Variants in CYP2C8 observed in about 807,000 individuals in gnomAD.
CYP2C8 encodes cytochrome P450 2C8.
CYP2C8 carries 51 observed loss-of-function variants against 41.3 expected under a neutral mutation model. That is an observed-to-expected ratio of 1.24 (90% confidence interval 0.99 to 1.56). The LOEUF (loss-of-function observed/expected upper bound fraction) is 1.56, where lower values mean the gene tolerates loss of function less well. Ranked by LOEUF, CYP2C8 falls within the 40% of genes most tolerant of loss-of-function variation. CYP2C8 has a pLI of 0.00. For synonymous variants in CYP2C8, 218 were observed against 205.8 expected, an observed-to-expected ratio of 1.06 and a Z score of -0.51; for missense variants, 651 against 579.9, an observed-to-expected ratio of 1.12 and a Z score of -1.26.
intron 3 of CYP2C8, among the ~76,000 whole-genome samples, chr10:95,065,582 C>G (rs2033544580): frequency 6.6e-6 from 1 of 152,056 alleles, no homozygotes; most frequent in Non-Finnish European, 1.5e-5. Context: ...CCCAGTAAAG[C>G]TAACCAAAAA....
At chr10:95,054,176 G>T (rs2033265428) in intron 5 of CYP2C8, among the ~76,000 whole-genome samples, 1 of 151,672 alleles carries the variant, frequency 6.6e-6, no homozygotes. Flanking sequence ...TGTATATTAT[G>T]GATTTTTTTA....
intron 3 of CYP2C8, among the ~76,000 whole-genome samples, chr10:95,065,471 CATATG>C (rs1379063152): frequency 2.0e-5 from 3 of 152,110 alleles, no homozygotes; most frequent in Admixed American, 6.6e-5. Context: ...CAAGTACATC[CATATG>C]ATATGAGAAG....
At chr10:95,058,137 T>C (rs890273118) in intron 5 of CYP2C8, among the ~76,000 whole-genome samples, 198 bp downstream of exon 5, 2 of 152,154 alleles carry the variant, frequency 1.3e-5, no homozygotes, top group Non-Finnish European at 2.9e-5. Flanking sequence ...AAGAAGAGGG[T>C]CTATGCATTC....
At chr10:95,052,404 T>C (rs1028572369) in intron 5 of CYP2C8, among the ~76,000 whole-genome samples, 3 of 152,012 alleles carry the variant, frequency 2.0e-5, no homozygotes, top group African/African-American at 7.2e-5. Context: ...CTACTCAAAC[T>C]ATTCCACAAA....
intron 5 of CYP2C8, among the ~76,000 whole-genome samples, chr10:95,053,355 T>G (rs1476555465): frequency 6.6e-6 from 1 of 152,156 alleles, no homozygotes; most frequent in Non-Finnish European, 1.5e-5. Context: ...GAAGACAGTG[T>G]GGCAATTCCT....
chr10:95,051,317 A>G (rs2033211378), intron 5 of CYP2C8, among the ~76,000 whole-genome samples: 1 of 152,164 alleles, frequency 6.6e-6, no homozygotes, highest in Admixed American at 6.5e-5. Context: ...AGAAGAGACA[A>G]AAGAAAAAAG....
At position 95,038,434 on chromosome 10, in the gene CYP2C8, G is replaced by T. The variant is rs184822315; in HGVS notation, c.1291+463C>A. 2.0e-5 allele frequency among the ~76,000 whole-genome samples: 3 copies of T among 152,240 alleles called. No homozygotes were observed. In the East Asian group the frequency reaches 5.8e-4, roughly 29 times the overall value. ...TGGTCTGACTAAATTACAATGACCTGTTTACTCTTCTTCCCTAACTCAAGA... is the reference window on the plus strand; with the variant it reads ...TGGTCTGACTAAATTACAATGACCTTTTTACTCTTCTTCCCTAACTCAAGA... On this transcript the variant is annotated intron_variant, in intron 8 of 8. Coordinates refer to ENST00000371270, the MANE Select transcript of CYP2C8 (RefSeq NM_000770.3).
rs182476142 is a variant in CYP2C8, at chr10:95,049,358, A to G, written c.820-3407T>C. On this transcript the variant is annotated intron_variant, in intron 5 of 8. Transcript: ENST00000371270. Reference sequence around the variant, plus strand: ...TATATCACTGAAAGAGGAAATGAAGAGATAGAAAAAATACTATTGAATTAC... The same window carrying G: ...TATATCACTGAAAGAGGAAATGAAGGGATAGAAAAAATACTATTGAATTAC... 3.2e-4 allele frequency among the ~76,000 whole-genome samples: 49 copies of G among 152,310 alleles called. 1 individual carries two copies. The highest frequency in any genetic ancestry group is 3.2e-3 in the Admixed American group (49 of 15,296).
Position 95,056,949 on chromosome 10 carries a change from A to C in CYP2C8, c.819+1386T>G, listed in dbSNP as rs2134426638. On this transcript the variant is annotated intron_variant, in intron 5 of 8. Transcript: ENST00000371270. ...AGCTTTGTTGAACAGGCAGTGGTAC[A>C]GCTCTGCGAGGGCTCCTGCAGAGCA... Among the ~76,000 whole-genome samples, 2 of 152,322 alleles carry C rather than the reference A, an allele frequency of 1.3e-5. 1 individual carries two copies.
chr10:95,057,636 C>T (rs376622052), intron 5 of CYP2C8, among the ~76,000 whole-genome samples: 112 of 152,022 alleles, frequency 7.4e-4, no homozygotes, highest in Admixed American at 1.3e-3. Context: ...GAATTGAGAG[C>T]CCACAAACAA....
At chr10:95,060,121 A>G (rs1194665541) in intron 4 of CYP2C8, among the ~76,000 whole-genome samples, 1 of 152,118 alleles carries the variant, frequency 6.6e-6, no homozygotes, top group African/African-American at 2.4e-5. Flanking sequence ...TGACTTGACA[A>G]TGCGGGCTCT....
chr10:95,038,946 A>C lies in CYP2C8; in HGVS notation c.1242T>G (p.Asp414Glu). The C allele has an allele frequency of 6.2e-7, 1 of 1,614,010 alleles. No individual in the cohort carries two copies. The highest frequency in any genetic ancestry group is 8.5e-7 in the Non-Finnish European group (1 of 1,179,832). The change falls in exon 8 of 9, where the codon GAT becomes GAG. Residue 414 changes from aspartate (D) to glutamate (E), a missense_variant. By Grantham distance (45) the Asp-to-Glu change is conservative. Coordinates refer to ENST00000371270, the MANE Select transcript of CYP2C8 (RefSeq NM_000770.3). ...CACTTTTCTTAAAGTTGCCATTCTT[A>C]TCTAGAAAGTGGCCAGGGTCAAAGA... ...PNIFDPGHFL[D>E]KNGNFKKSDY...
Position 95,037,033 on chromosome 10 carries a change from A to G in CYP2C8, c.*95T>C. ...GATATTGAGTGAATGGGAAGATTTG[A>G]TGAGAGGTCAGAGAAGACATAATAG... On this transcript the variant is annotated 3_prime_UTR_variant, in exon 9 of 9. Coordinates refer to ENST00000371270, the MANE Select transcript of CYP2C8 (RefSeq NM_000770.3). The G allele has an allele frequency of 8.5e-7, 1 of 1,181,444 alleles. No individual in the cohort carries two copies. Among genetic ancestry groups the G allele is most frequent in the Non-Finnish European group, 1.3e-6 (1 of 796,054 alleles). The allele number at this position is 1,181,444 out of a possible 1,614,324, so 73.2% of individuals were successfully genotyped here. A position where few individuals can be genotyped will look rare whatever the true frequency, so the allele number is the denominator to read the frequency against.
At position 95,067,331 on chromosome 10, in the gene CYP2C8, A is replaced by G; in HGVS notation, c.358T>C (p.Trp120Arg). The G allele has an allele frequency of 2.5e-6, 4 of 1,613,486 alleles. No individual in the cohort carries two copies. Among genetic ancestry groups the G allele is most frequent in the South Asian group, 2.2e-5 (2 of 91,028 alleles). Residue 120 changes from tryptophan (W) to arginine (R), a missense_variant, in exon 3 of 9, where the codon TGG becomes CGG. Trp to Arg is a moderately radical substitution (Grantham distance 101). Transcript: ENST00000371270. The stretch of plus-strand genomic sequence containing the variant: ...AGGGAGAAACGCCGGATCTCCTTCC[A>G]TCTCTTTCCATTGCTGGAAATGATT... Reference protein sequence around the residue: ...LGIISSNGKRWKEIRRFSLTT... With the variant: ...LGIISSNGKRRKEIRRFSLTT...
intron 8 of CYP2C8, among the ~76,000 whole-genome samples, chr10:95,037,690 G>A (rs11572176): frequency 0.029 from 4,351 of 152,180 alleles, 226 homozygotes; most frequent in African/African-American, 0.097. Flanking sequence ...CTTGTTTCCT[G>A]TTCCAAGCCT....
Position 95,059,113 on chromosome 10 carries a change from T to C in CYP2C8, c.643-602A>G, listed in dbSNP as rs554591946. On this transcript the variant is annotated intron_variant, in intron 4 of 8. Coordinates refer to ENST00000371270, the MANE Select transcript of CYP2C8 (RefSeq NM_000770.3). ...GTGCCACAATAAACATACGTGTGCA[T>C]GTGTCTTTAAAGCAGCATGACTTAT... Among the ~76,000 whole-genome samples the C allele has an allele frequency of 2.0e-5, 3 of 152,306 alleles. No individual in the cohort carries two copies. In the East Asian group the frequency reaches 5.8e-4, roughly 29 times the overall value.
At chr10:95,050,609 G>A (rs796864018) in intron 5 of CYP2C8, among the ~76,000 whole-genome samples, 2 of 152,280 alleles carry the variant, frequency 1.3e-5, no homozygotes, top group African/African-American at 2.4e-5. Context: ...ATTAAGGGAA[G>A]GGAACAAGAG....
chr10:95,038,783 A>T, intron 8 of CYP2C8, 114 bp downstream of exon 8: 1 of 983,968 alleles, frequency 1.0e-6, no homozygotes, highest in Non-Finnish European at 1.6e-6. Flanking sequence ...GGTGCTCTTG[A>T]TCATGGACAA....
chr10:95,050,288 C>T (rs2033190655), intron 5 of CYP2C8, among the ~76,000 whole-genome samples: 1 of 152,104 alleles, frequency 6.6e-6, no homozygotes, highest in Non-Finnish European at 1.5e-5. Context: ...AGGTTTTTGA[C>T]TCTAGTCCCT....
Sources: gnomAD v4.1 joint callset for allele counts (sites outside exome capture counted in the v4.1 genomes callset) on GRCh38, gnomAD v4.1.1 for gene constraint, MANE v1.5 for transcripts, NCBI Gene and HGNC (gene_info 2026-07-23, HGNC 2026-07-21) for gene names.